NUP85: variants seen among roughly 807,000 people sequenced by gnomAD.
NUP85 encodes nucleoporin 85, also known as nuclear pore complex protein Nup85.
NUP85 carries 23 observed loss-of-function variants against 92.8 expected under a neutral mutation model. The ratio of observed to expected loss-of-function variants is 0.25; its 90% CI spans 0.18 to 0.35. The LOEUF (loss-of-function observed/expected upper bound fraction) is 0.35, where lower values mean the gene tolerates loss of function less well. Ranked by LOEUF, NUP85 falls within the 10% of genes least tolerant of loss-of-function variation. The pLI is 1.00. For synonymous variants in NUP85, 314 were observed against 306.9 expected, an observed-to-expected ratio of 1.02 and a Z score of -0.24; for missense variants, 759 against 822.8, an observed-to-expected ratio of 0.92 and a Z score of 0.95.
At chr17:75,233,006 G>A (rs375746742) in intron 15 of NUP85, 38 bp downstream of exon 15, 52 of 1,611,930 alleles carry the variant, frequency 3.2e-5, no homozygotes, top group Non-Finnish European at 4.2e-5. Context: ...GGGACTGGGT[G>A]GTTGAGGTGG....
chr17:75,221,541 G>C (rs1210739369), intron 7 of NUP85, among the ~76,000 whole-genome samples: 1 of 152,138 alleles, frequency 6.6e-6, no homozygotes, highest in Non-Finnish European at 1.5e-5. Context: ...CGGTCACTAG[G>C]TGTGAGATCT....
intron 5 of NUP85, among the ~76,000 whole-genome samples, chr17:75,215,074 G>A (rs935178339): frequency 2.6e-5 from 4 of 152,158 alleles, no homozygotes; most frequent in Non-Finnish European, 5.9e-5. Flanking sequence ...GGGAGGCTGA[G>A]GCAGGAGAAT....
chr17:75,234,069 T>G (rs1225964497), intron 16 of NUP85, among the ~76,000 whole-genome samples: 1 of 100,632 alleles, frequency 9.9e-6, no homozygotes, highest in Non-Finnish European at 2.1e-5. Context: ...TTTTTTTTTT[T>G]GAGACGGAGT....
At chr17:75,208,759 A>C in intron 2 of NUP85, 139 bp downstream of exon 2, 1 of 675,638 alleles carries the variant, frequency 1.5e-6, no homozygotes, top group Non-Finnish European at 2.6e-6. Flanking sequence ...TTTTGTTTTC[A>C]AGATACAACA....
In NUP85 at chr17:75,223,052, A is replaced by C. The variant is rs892576593; in HGVS notation, c.598-2051A>C. ...TGTCTCAAAAAAAAAAAAAAAAAAA[A>C]AACTCAGGGCCAACAGCACTATAAT... is the stretch of plus-strand genomic sequence containing the variant. On this transcript the variant is annotated intron_variant, in intron 7 of 18. Coordinates refer to ENST00000245544, the MANE Select transcript of NUP85 (RefSeq NM_024844.5). Among the ~76,000 whole-genome samples, 94 of 151,772 alleles carry C rather than the reference A, an allele frequency of 6.2e-4. 3 individuals carry two copies. The highest frequency in any genetic ancestry group is 9.4e-4 in the Non-Finnish European group (64 of 67,966).
chr17:75,217,939 T>G (rs1304302081), intron 6 of NUP85, among the ~76,000 whole-genome samples: 1 of 152,186 alleles, frequency 6.6e-6, no homozygotes, highest in African/African-American at 2.4e-5. Flanking sequence ...AGGTCTGCAT[T>G]CCATGTTCAC....
chr17:75,231,434 G>T lies in NUP85; in HGVS notation c.1178+11G>T. 6.2e-7 allele frequency: 1 copy of T among 1,613,812 alleles called. No individual in the cohort carries two copies. The highest frequency in any genetic ancestry group is 8.5e-7 in the Non-Finnish European group (1 of 1,179,730). ...GTCACACAACCTCTAGTAAGTGGCC[G>T]GGAGGCACCGATCCTCCTCTTCTTA... On this transcript the variant is annotated intron_variant, in intron 12 of 18. Coordinates refer to ENST00000245544, the MANE Select transcript of NUP85 (RefSeq NM_024844.5). The surrounding 1 kb of genome is among the most constrained non-coding windows in gnomAD (Gnocchi z 4.6).
intron 6 of NUP85, among the ~76,000 whole-genome samples, chr17:75,217,438 G>A (rs1451878250): frequency 6.6e-6 from 1 of 151,750 alleles, no homozygotes; most frequent in Non-Finnish European, 1.5e-5. Flanking sequence ...CTGGGCTCAA[G>A]CGATCTGCCT....
At chr17:75,214,846 G>C (rs1390193328) in intron 5 of NUP85, among the ~76,000 whole-genome samples, 1 of 108,768 alleles carries the variant, frequency 9.2e-6, no homozygotes, top group African/African-American at 3.3e-5. Context: ...GACAGAGTGA[G>C]ACTCTGTCTC....
At chr17:75,211,923 G>A in intron 3 of NUP85, 69 bp from the exon 4 acceptor site, 2 of 1,210,066 alleles carry the variant, frequency 1.7e-6, no homozygotes, top group African/African-American at 1.5e-5. Flanking sequence ...ATTTATTTGA[G>A]TGTTTCCTTC....
intron 11 of NUP85, chr17:75,228,573 G>A (rs1361968082): frequency 1.0e-5 from 10 of 985,340 alleles, no homozygotes; most frequent in East Asian, 1.1e-4. Context: ...TTGGGGTCTT[G>A]TGGGCACTTG....
chr17:75,212,069 A>C lies in NUP85; in HGVS notation c.361+7A>C. 1.3e-6 allele frequency: 2 copies of C among 1,592,408 alleles called. No homozygotes were observed. The highest frequency in any genetic ancestry group is 1.7e-6 in the Non-Finnish European group (2 of 1,172,550). ...GAAATGCACCAGGTTGCAAGTAAGG[A>C]CTGTGTGCGCGTGCGCGCGTGTGTG... On this transcript the variant is annotated splice_region_variant and intron_variant, in intron 4 of 18. Transcript: ENST00000245544.
At chr17:75,218,369 G>A in intron 7 of NUP85, 63 bp downstream of exon 7, 1 of 1,600,094 alleles carries the variant, frequency 6.2e-7, no homozygotes, top group East Asian at 2.3e-5. Context: ...CTGCCGGGTG[G>A]GTCTGAGGAC....
chr17:75,211,429 CTTT>C (rs35830323), intron 3 of NUP85, among the ~76,000 whole-genome samples: 9 of 139,264 alleles, frequency 6.5e-5, no homozygotes, highest in Admixed American at 1.5e-4. Flanking sequence ...CTGTCTTATT[CTTT>C]TTTTTTTTTT....
chr17:75,205,945 A>G, intron 1 of NUP85, 151 bp downstream of exon 1: 1 of 881,334 alleles, frequency 1.1e-6, no homozygotes, highest in Non-Finnish European at 1.8e-6. Flanking sequence ...TCGCAGTGTT[A>G]ACGAGGTGCC....
chr17:75,228,155 T>C (rs1165709136), intron 11 of NUP85: 2 of 982,656 alleles, frequency 2.0e-6, no homozygotes, highest in African/African-American at 3.5e-5. Flanking sequence ...GCCCTGTATC[T>C]GGATTTTTAG....
intron 7 of NUP85, among the ~76,000 whole-genome samples, chr17:75,221,678 C>T (rs8068976): frequency 0.91 from 139,027 of 152,170 alleles, 64,519 homozygotes; most frequent in Non-Finnish European, 1. Flanking sequence ...GTAGTTGACA[C>T]GGTTGATGCA....
At position 75,231,807 on chromosome 17, in the gene NUP85, G is replaced by A. The variant is rs748469797; in HGVS notation, c.1245-21G>A. The A allele has an allele frequency of 7.4e-6, 12 of 1,613,630 alleles. No individual in the cohort carries two copies. The highest frequency in any genetic ancestry group is 1.3e-5 in the African/African-American group (1 of 74,940). On this transcript the variant is annotated intron_variant, in intron 13 of 18. Coordinates refer to ENST00000245544, the MANE Select transcript of NUP85 (RefSeq NM_024844.5). This position sits in a 1 kb window ranked among gnomAD's most constrained non-coding sequence, Gnocchi z 4.6. The stretch of plus-strand genomic sequence containing the variant: ...AGCCATGAGGCAGCACCTCATGTCT[G>A]TCCTCCTCGAACCTTTGCAGCCTGT...
chr17:75,229,555 T>C (rs1274252130), intron 11 of NUP85, among the ~76,000 whole-genome samples: 1 of 152,138 alleles, frequency 6.6e-6, no homozygotes, highest in Non-Finnish European at 1.5e-5. Context: ...TCACTCAGAA[T>C]CCTTCAGAGT....
Sources: allele counts gnomAD v4.1 joint callset (sites outside exome capture counted in the v4.1 genomes callset), GRCh38; gene constraint gnomAD v4.1.1; non-coding constraint Gnocchi (gnomAD v3.1); transcripts MANE v1.5; gene names NCBI Gene and HGNC (gene_info 2026-07-23, HGNC 2026-07-21).